MCC: variants seen among roughly 807,000 people sequenced by gnomAD.
MCC encodes colorectal mutant cancer protein.
Under a neutral mutation model 116.2 loss-of-function variants are expected in MCC, and 90 were observed. That is an observed-to-expected ratio of 0.77 (90% CI 0.65 to 0.92). MCC has a LOEUF of 0.92. Ranked by LOEUF, MCC falls within the 40% of genes least tolerant of loss-of-function variation. The pLI is 0.00. For synonymous variants in MCC, 578 were observed against 510.5 expected (o/e 1.13, Z -1.78); for missense variants, 1,516 against 1,312.2 (o/e 1.16, Z -2.40).
chr5:113,434,153 C>T lies in MCC; in HGVS notation c.171-48941G>A, dbSNP rs1396188343. The T allele has an allele frequency of 6.2e-7, 1 of 1,614,180 alleles. No homozygotes were observed. On this transcript the variant is annotated intron_variant, in intron 1 of 18. Transcript: ENST00000408903. The surrounding 1 kb of genome is among the most constrained non-coding windows in gnomAD (Gnocchi z 4.2). ...AGCGTGGGAAGTTGACGCGGTGCTCCTTCTGGATACGCAGCATCTTCTTGA... is the reference window on the plus strand; with the variant it reads ...AGCGTGGGAAGTTGACGCGGTGCTCTTTCTGGATACGCAGCATCTTCTTGA...
chr5:113,084,091 G>C lies in MCC; in HGVS notation c.1635+10C>G, dbSNP rs115979302. 2,098 of 1,612,238 alleles carry C rather than the reference G, an allele frequency of 1.3e-3. 24 individuals carry two copies. The African/African-American group carries it at 0.023, about 18-fold the overall frequency. Reference sequence around the variant, plus strand: ...GGTACTTTCTTGCCTTGCTTCTCATGAACACTCACCCCTATGCTACTGATT... The same window carrying C: ...GGTACTTTCTTGCCTTGCTTCTCATCAACACTCACCCCTATGCTACTGATT... On this transcript the variant is annotated intron_variant, in intron 10 of 18. Coordinates refer to ENST00000408903, the MANE Select transcript of MCC (RefSeq NM_001085377.2).
At chr5:113,116,086 G>A (rs886182879) in intron 6 of MCC, among the ~76,000 whole-genome samples, 1 of 152,104 alleles carries the variant, frequency 6.6e-6, no homozygotes, top group African/African-American at 2.4e-5. Context: ...CTTTCTTAGT[G>A]CCTGGGTCAC....
rs1009492959 is a variant in MCC at position 113,336,756 on chromosome 5, A to G, written c.627+3763T>C. ...GTGGCCATTTTGCTACTTCGATAAA[A>G]CCATGGCTGCTGTAAGTATCTGTGT... On this transcript the variant is annotated intron_variant, in intron 3 of 18. Coordinates refer to ENST00000408903, the MANE Select transcript of MCC (RefSeq NM_001085377.2). 2.6e-5 allele frequency among the ~76,000 whole-genome samples: 4 copies of G among 152,250 alleles called. No homozygotes were observed. The East Asian group carries it at 7.7e-4, about 29-fold the overall frequency.
intron 16 of MCC, among the ~76,000 whole-genome samples, chr5:113,045,320 T>A (rs1406663561): frequency 6.6e-6 from 1 of 151,382 alleles, no homozygotes; most frequent in African/African-American, 2.4e-5. Flanking sequence ...TAAAGAAGCA[T>A]AAGCACCCAC....
intron 3 of MCC, among the ~76,000 whole-genome samples, chr5:113,305,665 A>G (rs1320926875): frequency 6.6e-6 from 1 of 152,194 alleles, no homozygotes; most frequent in Non-Finnish European, 1.5e-5. Context: ...GCTCAATGAT[A>G]TGACTCCAAA....
intron 1 of MCC, among the ~76,000 whole-genome samples, chr5:113,469,465 T>C (rs1310326792): frequency 6.6e-6 from 1 of 152,238 alleles, no homozygotes; most frequent in Admixed American, 6.5e-5. Context: ...AGGAGCAGGT[T>C]GTTCAGTTTC....
At chr5:113,165,369 C>G (rs1254586074) in intron 3 of MCC, among the ~76,000 whole-genome samples, 1 of 152,238 alleles carries the variant, frequency 6.6e-6, no homozygotes, top group Admixed American at 6.5e-5. Context: ...CTTCCCCCTA[C>G]CTACAAGAAA....
intron 6 of MCC, among the ~76,000 whole-genome samples, chr5:113,112,475 T>C (rs1757155995): frequency 6.6e-6 from 1 of 152,220 alleles, no homozygotes; most frequent in African/African-American, 2.4e-5. Flanking sequence ...CCCCTTCACC[T>C]TCTGCCGTAA....
intron 1 of MCC, chr5:113,428,875 AT>A (rs1770549698): frequency 6.6e-6 from 1 of 152,212 alleles, no homozygotes; most frequent in Non-Finnish European, 1.5e-5. Context: ...AGCCATCTTA[AT>A]AGAACTGTCT....
intron 4 of MCC, among the ~76,000 whole-genome samples, chr5:113,149,422 A>T (rs1486011293): frequency 6.6e-6 from 1 of 152,138 alleles, no homozygotes; most frequent in Non-Finnish European, 1.5e-5. Context: ...TTATTTCAGT[A>T]TGAAATAAAT....
intron 3 of MCC, among the ~76,000 whole-genome samples, chr5:113,252,264 G>T (rs11956430): frequency 6.6e-6 from 1 of 152,140 alleles, no homozygotes; most frequent in African/African-American, 2.4e-5. Flanking sequence ...GATCTGGTAC[G>T]AGGCCGCAAA....
chr5:113,316,055 A>T (rs1767272158), intron 3 of MCC, among the ~76,000 whole-genome samples: 1 of 152,126 alleles, frequency 6.6e-6, no homozygotes, highest in Non-Finnish European at 1.5e-5. Context: ...CAGGAGTTTG[A>T]GACCAGCCTG....
chr5:113,485,586 A>C (rs56090613), intron 1 of MCC, among the ~76,000 whole-genome samples: 10,524 of 143,396 alleles, frequency 0.073, 692 homozygotes, highest in African/African-American at 0.18. Context: ...TTTGGGGATG[A>C]AGAGGGAGAC....
rs192865622 is a variant in MCC, at chr5:113,104,387, C to A, written c.1028-32G>T. 129 of 1,570,014 alleles carry A rather than the reference C, an allele frequency of 8.2e-5. No homozygotes were observed. In the East Asian group the frequency reaches 2.8e-3, roughly 34 times the overall value. On this transcript the variant is annotated intron_variant, in intron 6 of 18. Coordinates refer to ENST00000408903, the MANE Select transcript of MCC (RefSeq NM_001085377.2). ...GTGAATGAAGACAAAATGCGTTACA[C>A]AGGGCAACAAATGCTGTCTGTTTTG...
intron 14 of MCC, among the ~76,000 whole-genome samples, chr5:113,059,821 G>A (rs943947957): frequency 8.5e-5 from 13 of 152,222 alleles, no homozygotes; most frequent in Non-Finnish European, 1.5e-4. Context: ...TGCGGGGCTG[G>A]CTGGTTCGGG....
At chr5:113,085,027 G>A in intron 9 of MCC, 137 bp downstream of exon 9, 2 of 1,135,776 alleles carry the variant, frequency 1.8e-6, no homozygotes, top group African/African-American at 1.5e-5. Context: ...CTGCATAGAA[G>A]GCCTGCGTAA....
At chr5:113,248,235 TAAAAAAAAAAA>T (rs10574369) in intron 3 of MCC, among the ~76,000 whole-genome samples, 1 of 133,554 alleles carries the variant, frequency 7.5e-6, no homozygotes, top group South Asian at 2.5e-4. Flanking sequence ...TGTATCTATT[TAAAAAAAAAAA>T]AAAAAAAAAG....
At chr5:113,310,166 A>G (rs569999880) in intron 3 of MCC, among the ~76,000 whole-genome samples, 1 of 152,330 alleles carries the variant, frequency 6.6e-6, no homozygotes, top group African/African-American at 2.4e-5. Flanking sequence ...TTAATCCCCA[A>G]TGGAACAGCG....
chr5:113,474,280 T>G (rs1772175015), intron 1 of MCC, among the ~76,000 whole-genome samples: 1 of 151,354 alleles, frequency 6.6e-6, no homozygotes, highest in African/African-American at 2.4e-5. Context: ...GGTGTAGGAG[T>G]ATGTGCAAGG....
Sources: allele counts gnomAD v4.1 joint callset (sites outside exome capture counted in the v4.1 genomes callset), GRCh38; gene constraint gnomAD v4.1.1; non-coding constraint Gnocchi (gnomAD v3.1); transcripts MANE v1.5; gene names NCBI Gene and HGNC (gene_info 2026-07-23, HGNC 2026-07-21).